HS3ST5: variants seen among roughly 807,000 people sequenced by gnomAD.
The protein encoded by HS3ST5 is heparan sulfate glucosamine 3-O-sulfotransferase 5.
In HS3ST5, 10 loss-of-function variants were observed where a neutral mutation model predicts 25.4. That is an observed-to-expected ratio of 0.39 (90% CI 0.24 to 0.67). HS3ST5 has a LOEUF of 0.67. HS3ST5 is among the 30% of genes least tolerant of loss of function. The pLI is 0.44. For synonymous variants in HS3ST5, 170 were observed against 162.4 expected, an observed-to-expected ratio of 1.05 and a Z score of -0.36; for missense variants, 324 against 420.7, an observed-to-expected ratio of 0.77 and a Z score of 2.01.
At chr6:114,306,256 T>TACAC (rs1554226914) in intron 1 of HS3ST5, among the ~76,000 whole-genome samples, 97 of 115,400 alleles carry the variant, frequency 8.4e-4, no homozygotes, top group African/African-American at 2.8e-3. Flanking sequence ...TATATATATA[T>TACAC]ACACACACAC....
At chr6:114,193,645 T>C (rs1381270889) in intron 2 of HS3ST5, among the ~76,000 whole-genome samples, 1 of 152,188 alleles carries the variant, frequency 6.6e-6, no homozygotes, top group Non-Finnish European at 1.5e-5. Context: ...GTAGGGTTTT[T>C]AAGGGTTAAA....
At chr6:114,288,526 C>G (rs1042723474) in intron 1 of HS3ST5, among the ~76,000 whole-genome samples, 3 of 151,822 alleles carry the variant, frequency 2.0e-5, no homozygotes, top group African/African-American at 7.3e-5. Flanking sequence ...ACATAAGAGA[C>G]TTGTACCTTC....
chr6:114,106,558 AC>A (rs1316837580), intron 3 of HS3ST5, among the ~76,000 whole-genome samples: 2 of 152,132 alleles, frequency 1.3e-5, no homozygotes, highest in Non-Finnish European at 2.9e-5. Context: ...TTTATGCAGT[AC>A]ATGAAAATAA....
At chr6:114,096,233 ACC>A (rs1201390634) in intron 3 of HS3ST5, among the ~76,000 whole-genome samples, 1 of 152,154 alleles carries the variant, frequency 6.6e-6, no homozygotes, top group Non-Finnish European at 1.5e-5. Context: ...TCAAATCTTG[ACC>A]ATAAACTAGT....
intron 1 of HS3ST5, among the ~76,000 whole-genome samples, chr6:114,313,981 A>C (rs191384189): frequency 6.6e-6 from 1 of 152,254 alleles, no homozygotes; most frequent in East Asian, 1.9e-4. Flanking sequence ...GCTGGAGGGC[A>C]GTTGTGCAAT....
chr6:114,125,711 G>C (rs949436133), intron 3 of HS3ST5, among the ~76,000 whole-genome samples: 20 of 152,180 alleles, frequency 1.3e-4, no homozygotes, highest in African/African-American at 1.9e-4. Flanking sequence ...TGTGCAGGGA[G>C]AGTACTTAGT....
At chr6:114,331,817 A>C (rs1204198258) in intron 1 of HS3ST5, among the ~76,000 whole-genome samples, 1 of 152,038 alleles carries the variant, frequency 6.6e-6, no homozygotes, top group East Asian at 1.9e-4. Context: ...TAATCTTCTG[A>C]TCTTATTAAG....
At chr6:114,129,244 CA>C (rs1462743927) in intron 3 of HS3ST5, among the ~76,000 whole-genome samples, 1 of 138,058 alleles carries the variant, frequency 7.2e-6, no homozygotes, top group Non-Finnish European at 1.5e-5. Flanking sequence ...ACACCTGCAA[CA>C]AGAACCTTTT....
At chr6:114,190,442 C>T (rs1244997107) in intron 2 of HS3ST5, among the ~76,000 whole-genome samples, 1 of 152,126 alleles carries the variant, frequency 6.6e-6, no homozygotes, top group African/African-American at 2.4e-5. Flanking sequence ...TTGTTATTGT[C>T]TCCTAGTGCA....
At chr6:114,068,523 G>A (rs1247245975) in intron 3 of HS3ST5, among the ~76,000 whole-genome samples, 2 of 152,150 alleles carry the variant, frequency 1.3e-5, no homozygotes, top group Non-Finnish European at 2.9e-5. Flanking sequence ...GCTGGAGATT[G>A]TTGCTTTTGG....
chr6:114,096,917 G>T (rs1210621273), intron 3 of HS3ST5, among the ~76,000 whole-genome samples: 4 of 151,928 alleles, frequency 2.6e-5, no homozygotes, highest in Non-Finnish European at 5.9e-5. Flanking sequence ...TTATTTTAAG[G>T]TTTTCTAGTG....
chr6:114,117,916 CTA>C (rs3078678), intron 3 of HS3ST5, among the ~76,000 whole-genome samples: 41,751 of 151,972 alleles, frequency 0.27, 6,369 homozygotes, highest in Admixed American at 0.39. Flanking sequence ...ACAAATGTCT[CTA>C]TAGTGTCTCA....
At chr6:114,081,212 A>G (rs1255622788) in intron 3 of HS3ST5, among the ~76,000 whole-genome samples, 1 of 152,214 alleles carries the variant, frequency 6.6e-6, no homozygotes, top group Non-Finnish European at 1.5e-5. Flanking sequence ...CTGATCACAG[A>G]TCACCACAAC....
intron 3 of HS3ST5, among the ~76,000 whole-genome samples, chr6:114,120,609 A>T (rs1776741728): frequency 6.6e-6 from 1 of 152,214 alleles, no homozygotes; most frequent in African/African-American, 2.4e-5. Flanking sequence ...TAGTTATAGA[A>T]AATCAGGGGA....
intron 2 of HS3ST5, among the ~76,000 whole-genome samples, chr6:114,204,408 T>C (rs1171229629): frequency 2.0e-5 from 3 of 152,166 alleles, no homozygotes; most frequent in Non-Finnish European, 4.4e-5. Context: ...GGACTGGTGA[T>C]TGGTACTCTT....
chr6:114,127,901 T>A (rs1260468271), intron 3 of HS3ST5, among the ~76,000 whole-genome samples: 1 of 150,600 alleles, frequency 6.6e-6, no homozygotes, highest in Non-Finnish European at 1.5e-5. Context: ...GAGAGACATA[T>A]GTATAGAGAA....
At chr6:114,323,982 A>AG (rs1229611582) in intron 1 of HS3ST5, among the ~76,000 whole-genome samples, 1 of 152,096 alleles carries the variant, frequency 6.6e-6, no homozygotes, top group Admixed American at 6.5e-5. Context: ...AGACCCCTGC[A>AG]GGGTCTTCTT....
At chr6:114,238,065 T>A (rs1562248426) in intron 1 of HS3ST5, among the ~76,000 whole-genome samples, 1 of 152,222 alleles carries the variant, frequency 6.6e-6, no homozygotes. Context: ...ATAATCATGA[T>A]AGTGGGAACA....
intron 2 of HS3ST5, among the ~76,000 whole-genome samples, chr6:114,211,959 A>C (rs1781526908): frequency 6.6e-6 from 1 of 152,248 alleles, no homozygotes; most frequent in Non-Finnish European, 1.5e-5. Context: ...CGTGGGAAAT[A>C]TGATAGAAAG....
Sources: allele counts gnomAD v4.1 joint callset (sites outside exome capture counted in the v4.1 genomes callset), GRCh38; gene constraint gnomAD v4.1.1; transcripts MANE v1.5; gene names NCBI Gene and HGNC (gene_info 2026-07-23, HGNC 2026-07-21).